LYST: variants seen among roughly 807,000 people sequenced by gnomAD.
LYST encodes lysosomal trafficking regulator, also known as lysosomal-trafficking regulator.
A neutral mutation model predicts 413.6 loss-of-function variants in LYST; 192 were observed. The observed-to-expected ratio is 0.46, with a 90% CI of 0.41 to 0.52. The LOEUF (loss-of-function observed/expected upper bound fraction) is 0.52, where lower values mean the gene tolerates loss of function less well. LYST is among the 20% of genes least tolerant of loss of function. The pLI, the probability that LYST is intolerant of heterozygous loss-of-function variation, is 0.00. For synonymous variants in LYST, 1,525 were observed against 1,567.3 expected (o/e 0.97, Z 0.64); for missense variants, 3,815 against 4,499.9 (o/e 0.85, Z 4.35).
At chr1:235,722,639 C>T (rs1663485296) in intron 39 of LYST, among the ~76,000 whole-genome samples, 1 of 152,170 alleles carries the variant, frequency 6.6e-6, no homozygotes, top group African/African-American at 2.4e-5. Flanking sequence ...GCATGTGCCA[C>T]CATGCCCCGC....
Position 235,753,094 on chromosome 1 carries a change from T to C in LYST, c.7410A>G (p.Leu2470=), listed in dbSNP as rs1572151809. The part of the protein sequence containing the change: ...KVADMLLDNG[L]LYVLCNTVAA... ...CTACTGTATTACATAACACATAGAGTAGACCATTATCCAGCAACATATCTG... is the reference window on the plus strand; with the variant it reads ...CTACTGTATTACATAACACATAGAGCAGACCATTATCCAGCAACATATCTG... Residue 2470 remains leucine (L), a synonymous_variant, in exon 26 of 53, where the codon CTA becomes CTG. Transcript: ENST00000389793. The C allele has an allele frequency of 6.2e-7, 1 of 1,607,256 alleles. No individual in the cohort carries two copies. Among genetic ancestry groups the C allele is most frequent in the Non-Finnish European group, 8.5e-7 (1 of 1,174,164 alleles).
rs2102906107 is a variant in LYST, at chr1:235,813,031, G to C, written c.223C>G (p.Leu75Val). The C allele has an allele frequency of 2.5e-6, 4 of 1,609,796 alleles. No individual in the cohort carries two copies. In the South Asian group the frequency reaches 4.4e-5, roughly 18 times the overall value. ...ACCAGTGGAAGGAGAGACAGAAGAA[G>C]AGTCAGGAGTTCTTCTCTACATGTC... ...ALTCREELLT[L>V]LLSLLPLVWK... Residue 75 changes from leucine (L) to valine (V), a missense_variant, in exon 4 of 53, where the codon CTT becomes GTT. Physicochemically the swap from Leu to Val is conservative, Grantham distance 32. This residue lies in a region of LYST where 1,648 missense variants were observed against 1,810.3 expected (regional missense o/e 0.91). Coordinates refer to ENST00000389793, the MANE Select transcript of LYST (RefSeq NM_000081.4).
intron 47 of LYST, among the ~76,000 whole-genome samples, 191 bp downstream of exon 47, chr1:235,693,159 T>C (rs1052566190): frequency 2.0e-4 from 30 of 150,978 alleles, no homozygotes; most frequent in African/African-American, 6.8e-4. Context: ...ACTAAAAGAA[T>C]ACAAAAAGTC....
chr1:235,783,846 G>A (rs1322833672), intron 14 of LYST, among the ~76,000 whole-genome samples: 2 of 150,918 alleles, frequency 1.3e-5, no homozygotes, highest in African/African-American at 4.9e-5. Flanking sequence ...TATTTTAAAA[G>A]GCCTCTTCAA....
At chr1:235,693,765 C>T (rs570079130) in intron 46 of LYST, among the ~76,000 whole-genome samples, 1 of 152,214 alleles carries the variant, frequency 6.6e-6, no homozygotes, top group African/African-American at 2.4e-5. Context: ...TTATAAAAGA[C>T]AGTAATAGTG....
In LYST at chr1:235,848,296, C is replaced by T. The variant is rs137998304; in HGVS notation, c.-97-14629G>A. On this transcript the variant is annotated intron_variant, in intron 1 of 52. Transcript: ENST00000389793. Reference sequence around the variant, plus strand: ...TCCTGAATGAGCATTGGGTCAAAAACGAAATCAAGATAGAAATTAAAAAAT... The same window carrying T: ...TCCTGAATGAGCATTGGGTCAAAAATGAAATCAAGATAGAAATTAAAAAAT... 5.6e-3 allele frequency among the ~76,000 whole-genome samples: 856 copies of T among 152,120 alleles called. 9 individuals are homozygous for T. The highest frequency in any genetic ancestry group is 0.019 in the African/African-American group (788 of 41,526).
At chr1:235,707,825 T>G (rs1662106260) in intron 44 of LYST, among the ~76,000 whole-genome samples, 3 of 152,192 alleles carry the variant, frequency 2.0e-5, no homozygotes, top group Admixed American at 1.3e-4. Flanking sequence ...TGAGTATCCC[T>G]TATACAAACA....
chr1:235,848,361 A>G (rs938143732), intron 1 of LYST, among the ~76,000 whole-genome samples: 1 of 152,052 alleles, frequency 6.6e-6, no homozygotes, highest in African/African-American at 2.4e-5. Flanking sequence ...ACCTATCAAA[A>G]CCTCTGCGAT....
chr1:235,739,067 T>C, intron 31 of LYST: 1 of 594,354 alleles, frequency 1.7e-6, no homozygotes. Flanking sequence ...TTGTCCTTTT[T>C]ATCTGATCTG....
chr1:235,747,442 T>A (rs1666039478), intron 28 of LYST: 1 of 217,182 alleles, frequency 4.6e-6, no homozygotes. Context: ...CTGTAAGATA[T>A]TTAAATATTT....
intron 1 of LYST, among the ~76,000 whole-genome samples, chr1:235,881,766 T>A (rs1267590118): frequency 1.3e-5 from 2 of 152,072 alleles, no homozygotes; most frequent in African/African-American, 2.4e-5. Flanking sequence ...GAAAAAAGCC[T>A]CTCACAAAAG....
Position 235,665,139 on chromosome 1 carries a change from G to A in LYST, c.11039-518C>T, listed in dbSNP as rs564024459. 4.8e-4 allele frequency among the ~76,000 whole-genome samples: 73 copies of A among 151,736 alleles called. No individual in the cohort carries two copies. The South Asian group carries it at 0.013, about 28-fold the overall frequency. ...TATTAATCAAGAGACAATAACCAGC[G>A]AAAAAATAAAAATAAGAAGAAGCAA... is the stretch of plus-strand genomic sequence containing the variant. On this transcript the variant is annotated intron_variant, in intron 50 of 52. Transcript: ENST00000389793.
intron 1 of LYST, among the ~76,000 whole-genome samples, chr1:235,852,164 C>T (rs1678615411): frequency 6.6e-6 from 1 of 152,204 alleles, no homozygotes; most frequent in African/African-American, 2.4e-5. Context: ...TAGATACTAA[C>T]ATTGGGACAG....
Position 235,661,089 on chromosome 1 carries a change from G to A in LYST, c.*1851C>T, listed in dbSNP as rs1658017952. 6.6e-6 allele frequency: 1 copy of A among 152,484 alleles called. No homozygotes were observed. The highest frequency in any genetic ancestry group is 1.5e-5 in the Non-Finnish European group (1 of 68,004). 9.4% of individuals were successfully genotyped at this position (152,484 alleles called of 1,614,324 possible). A position where few individuals can be genotyped will look rare whatever the true frequency, so the allele number is the denominator to read the frequency against. On this transcript the variant is annotated 3_prime_UTR_variant, in exon 53 of 53. Coordinates refer to ENST00000389793, the MANE Select transcript of LYST (RefSeq NM_000081.4). ...AATTGAAGAGGCAGTGTATATAAAGGTAACAGAGCTTGTGATAATTTACAG... is the reference window on the plus strand; with the variant it reads ...AATTGAAGAGGCAGTGTATATAAAGATAACAGAGCTTGTGATAATTTACAG...
intron 43 of LYST, among the ~76,000 whole-genome samples, chr1:235,711,657 T>C (rs1662411574): frequency 6.6e-6 from 1 of 152,190 alleles, no homozygotes; most frequent in South Asian, 2.1e-4. Flanking sequence ...AGTATTTTAT[T>C]TTTATTTTGG....
At chr1:235,775,989 G>A (rs1307212269) in intron 17 of LYST, among the ~76,000 whole-genome samples, 1 of 151,978 alleles carries the variant, frequency 6.6e-6, no homozygotes, top group Non-Finnish European at 1.5e-5. Flanking sequence ...AACATATAAA[G>A]ATAAAAATGT....
intron 43 of LYST, among the ~76,000 whole-genome samples, chr1:235,711,116 T>C (rs971089938): frequency 6.6e-6 from 1 of 152,212 alleles, no homozygotes; most frequent in Non-Finnish European, 1.5e-5. Context: ...TGATTGATAA[T>C]AAATTTATTA....
Position 235,775,098 on chromosome 1 carries a change from A to AT in LYST, c.5461-13_5461-12insA, listed in dbSNP as rs1390065452. 6.2e-7 allele frequency: 1 copy of AT among 1,605,700 alleles called. No individual in the cohort carries two copies. Among genetic ancestry groups the AT allele is most frequent in the Non-Finnish European group, 8.5e-7 (1 of 1,176,570 alleles). Reference sequence around the variant, plus strand: ...CTGAGTTCAACAACCTAAAAAAAAAAATGGGTGGATATAGTTTTCTCCCAA... The same window carrying AT: ...CTGAGTTCAACAACCTAAAAAAAAAATATGGGTGGATATAGTTTTCTCCCAA... On this transcript the variant is annotated splice_polypyrimidine_tract_variant and intron_variant, in intron 17 of 52. Transcript: ENST00000389793.
chr1:235,766,302 T>C (rs2103395194), intron 20 of LYST, 25 bp from the exon 21 acceptor site: 2 of 1,545,238 alleles, frequency 1.3e-6, no homozygotes, highest in East Asian at 4.5e-5. Flanking sequence ...AAAACTCTCT[T>C]TAGATTTAAA....
Sources: allele counts gnomAD v4.1 joint callset (sites outside exome capture counted in the v4.1 genomes callset), GRCh38; gene constraint gnomAD v4.1.1; regional missense constraint gnomAD v4.1.1; transcripts MANE v1.5; gene names NCBI Gene and HGNC (gene_info 2026-07-23, HGNC 2026-07-21).